DENND1A: variants seen among roughly 807,000 people sequenced by gnomAD.
DENND1A encodes the protein DENN domain containing 1A, also known as DENN domain-containing protein 1A.
In DENND1A, 51 loss-of-function variants were observed where a neutral mutation model predicts 113.7. The observed-to-expected ratio is 0.45, with a 90% confidence interval of 0.36 to 0.57. DENND1A has a LOEUF of 0.57. Ranked by LOEUF, DENND1A falls within the 20% of genes least tolerant of loss-of-function variation. The probability of loss-of-function intolerance (pLI) is 0.00; values close to 1 mark genes in which losing one functional copy is unlikely to be tolerated. For synonymous variants in DENND1A, 565 were observed against 570.8 expected, an observed-to-expected ratio of 0.99 and a Z score of 0.14; for missense variants, 1,258 against 1,395.9, an observed-to-expected ratio of 0.90 and a Z score of 1.57.
chr9:123,674,842 T>C (rs912620884), intron 6 of DENND1A, among the ~76,000 whole-genome samples: 1 of 41,716 alleles, frequency 2.4e-5, no homozygotes, highest in Non-Finnish European at 4.0e-5. Context: ...TTTTTTTCTC[T>C]TTTTTTTTTT....
chr9:123,750,600 C>T (rs1005662641), intron 5 of DENND1A, among the ~76,000 whole-genome samples: 1 of 152,174 alleles, frequency 6.6e-6, no homozygotes, highest in Admixed American at 6.5e-5. Flanking sequence ...ACTGACCATC[C>T]AGAGAATAAC....
At chr9:123,843,376 C>T (rs185859754) in intron 2 of DENND1A, 85 of 339,606 alleles carry the variant, frequency 2.5e-4, no homozygotes, top group African/African-American at 1.7e-3. Context: ...TTTTTATTTG[C>T]AGTCATTTTG....
intron 8 of DENND1A, among the ~76,000 whole-genome samples, chr9:123,662,543 AC>A (rs1187965753): frequency 3.3e-5 from 5 of 152,198 alleles, no homozygotes; most frequent in African/African-American, 1.2e-4. Context: ...AGCCTGAATG[AC>A]AGAGCGAGAC....
At chr9:123,597,524 T>C (rs1377788558) in intron 11 of DENND1A, among the ~76,000 whole-genome samples, 2 of 152,076 alleles carry the variant, frequency 1.3e-5, no homozygotes, top group Non-Finnish European at 2.9e-5. Context: ...TCAGGAGACA[T>C]GTCTCTAAAA....
intron 21 of DENND1A, among the ~76,000 whole-genome samples, chr9:123,389,969 T>C (rs2042757444): frequency 6.6e-6 from 1 of 152,218 alleles, no homozygotes; most frequent in African/African-American, 2.4e-5. Context: ...CCTGCGGCCA[T>C]GCTTACCGTC....
chr9:123,699,112 T>G (rs2065713027), intron 5 of DENND1A, among the ~76,000 whole-genome samples: 1 of 152,150 alleles, frequency 6.6e-6, no homozygotes, highest in African/African-American at 2.4e-5. Context: ...AGAGCTGTCA[T>G]AAGGATTAAA....
chr9:123,551,806 C>T (rs1437634335), intron 13 of DENND1A, among the ~76,000 whole-genome samples: 2 of 152,130 alleles, frequency 1.3e-5, no homozygotes, highest in Admixed American at 6.5e-5. Flanking sequence ...GAGCCGGGCA[C>T]CCAGCCTCCC....
intron 4 of DENND1A, among the ~76,000 whole-genome samples, chr9:123,759,004 T>C (rs2070810201): frequency 6.6e-6 from 1 of 152,148 alleles, no homozygotes; most frequent in African/African-American, 2.4e-5. Flanking sequence ...GGTTTCTCCA[T>C]GTTAGCCAGG....
At chr9:123,587,398 T>C (rs2059230564) in intron 11 of DENND1A, among the ~76,000 whole-genome samples, 1 of 152,148 alleles carries the variant, frequency 6.6e-6, no homozygotes, top group African/African-American at 2.4e-5. Flanking sequence ...CAGTAACAAT[T>C]GCAACAAAAG....
intron 1 of DENND1A, among the ~76,000 whole-genome samples, chr9:123,914,566 A>G (rs1377299247): frequency 6.7e-6 from 1 of 149,460 alleles, no homozygotes; most frequent in African/African-American, 2.5e-5. Context: ...AAAAAAAAGA[A>G]ATACCCAAGA....
At chr9:123,615,517 C>T (rs1017742346) in intron 10 of DENND1A, among the ~76,000 whole-genome samples, 2 of 152,336 alleles carry the variant, frequency 1.3e-5, no homozygotes, top group Admixed American at 6.5e-5. Flanking sequence ...TCCTCCTCCC[C>T]TGCTACCTTT....
chr9:123,637,933 G>A lies in DENND1A; in HGVS notation c.619-7457C>T, dbSNP rs112538840. ...TAAACACACACACACACACACACAC[G>A]CACACACACACACACACGCGCACAC... On this transcript the variant is annotated intron_variant, in intron 9 of 23. Coordinates refer to ENST00000394215, the MANE Select transcript of DENND1A (RefSeq NM_001352964.2). Among the ~76,000 whole-genome samples, 169 of 74,072 alleles carry A rather than the reference G, an allele frequency of 2.3e-3. No individual in the cohort carries two copies. The Middle Eastern group carries it at 0.04, about 17-fold the overall frequency. The allele number at this position is 74,072 out of a possible 152,430, so 48.6% of individuals were successfully genotyped here. A position where few individuals can be genotyped will look rare whatever the true frequency, so the allele number is the denominator to read the frequency against.
intron 9 of DENND1A, among the ~76,000 whole-genome samples, chr9:123,637,921 A>ACACACG (rs2061792690): frequency 7.2e-6 from 1 of 139,198 alleles, no homozygotes; most frequent in Admixed American, 7.5e-5. Context: ...ACACACACAC[A>ACACACG]CACACACACA....
intron 11 of DENND1A, among the ~76,000 whole-genome samples, chr9:123,593,074 C>T (rs1050120166): frequency 2.6e-5 from 4 of 152,196 alleles, no homozygotes; most frequent in African/African-American, 4.8e-5. Context: ...AGGCAGACAG[C>T]TCCAGGACAC....
At chr9:123,841,257 A>C (rs1326490012) in intron 2 of DENND1A, among the ~76,000 whole-genome samples, 1 of 152,222 alleles carries the variant, frequency 6.6e-6, no homozygotes, top group Non-Finnish European at 1.5e-5. Flanking sequence ...TCTATCCAAG[A>C]TGATGCACCC....
intron 18 of DENND1A, among the ~76,000 whole-genome samples, chr9:123,441,239 C>T (rs577252300): frequency 3.3e-5 from 5 of 152,232 alleles, no homozygotes; most frequent in South Asian, 2.1e-4. Context: ...AAAAATGTAT[C>T]GCTAATTTAA....
In DENND1A at chr9:123,633,122, G is replaced by A. The variant is rs143167317; in HGVS notation, c.619-2646C>T. ...GGGGTTTCGCCATGTTGGCCAGGCTGGTCTCAAACTCCTGACCTCAAGTGA... is the reference window on the plus strand; with the variant it reads ...GGGGTTTCGCCATGTTGGCCAGGCTAGTCTCAAACTCCTGACCTCAAGTGA... On this transcript the variant is annotated intron_variant, in intron 9 of 23. Coordinates refer to ENST00000394215, the MANE Select transcript of DENND1A (RefSeq NM_001352964.2). Among the ~76,000 whole-genome samples, 166 of 152,070 alleles carry A rather than the reference G, an allele frequency of 1.1e-3. 1 individual carries two copies. The highest frequency in any genetic ancestry group is 3.9e-3 in the African/African-American group (162 of 41,454).
At position 123,461,366 on chromosome 9, in the gene DENND1A, G is replaced by A. The variant is rs994207918; in HGVS notation, c.994-3469C>T. Among the ~76,000 whole-genome samples, 14 of 152,294 alleles carry A rather than the reference G, an allele frequency of 9.2e-5. No individual in the cohort carries two copies. The South Asian group carries it at 2.9e-3, about 32-fold the overall frequency. ...CCCTAATCAGAAGCTCAGGGATGCT[G>A]GTTAAAGAACCACGAAATGAGTTGA... On this transcript the variant is annotated intron_variant, in intron 13 of 23. Coordinates refer to ENST00000394215, the MANE Select transcript of DENND1A (RefSeq NM_001352964.2).
At chr9:123,386,730 C>T (rs2042583565) in intron 22 of DENND1A, among the ~76,000 whole-genome samples, 1 of 152,196 alleles carries the variant, frequency 6.6e-6, no homozygotes. Context: ...AGTGACTTGT[C>T]TGGGTCCCCA....
Sources: gnomAD v4.1 joint callset for allele counts (sites outside exome capture counted in the v4.1 genomes callset) on GRCh38, gnomAD v4.1.1 for gene constraint, MANE v1.5 for transcripts, NCBI Gene and HGNC (gene_info 2026-07-23, HGNC 2026-07-21) for gene names.